The following HNF4A variants were observed in gnomAD, a reference collection of about 807,000 sequenced individuals.
HNF4A encodes the protein hepatocyte nuclear factor 4-alpha.
A neutral mutation model predicts 52.4 loss-of-function variants in HNF4A; 15 were observed. The ratio of observed to expected loss-of-function variants is 0.29; its 90% CI spans 0.19 to 0.44. HNF4A has a LOEUF of 0.44. HNF4A is among the 20% of genes least tolerant of loss of function. HNF4A has a pLI of 1.00. For synonymous variants in HNF4A, 280 were observed against 264.4 expected, an observed-to-expected ratio of 1.06 and a Z score of -0.57; for missense variants, 479 against 647.2, an observed-to-expected ratio of 0.74 and a Z score of 2.82.
At chr20:44,390,212 G>C (rs890759486) in intron 1 of HNF4A, among the ~76,000 whole-genome samples, 4 of 152,134 alleles carry the variant, frequency 2.6e-5, no homozygotes, top group African/African-American at 9.7e-5. Flanking sequence ...TGCCAATAGG[G>C]GGATGGAGAA....
intron 1 of HNF4A, among the ~76,000 whole-genome samples, chr20:44,369,788 C>A (rs1357595066): frequency 6.6e-6 from 1 of 152,092 alleles, no homozygotes; most frequent in Non-Finnish European, 1.5e-5. Flanking sequence ...GCGCGTGTCA[C>A]CATGCCCAGC....
chr20:44,412,717 G>C (rs572807730), intron 3 of HNF4A, among the ~76,000 whole-genome samples: 1 of 152,174 alleles, frequency 6.6e-6, no homozygotes, highest in Non-Finnish European at 1.5e-5. Flanking sequence ...GGAGCAGGGA[G>C]GGAGCAGCAG....
chr20:44,412,104 C>T (rs549976420), intron 3 of HNF4A, among the ~76,000 whole-genome samples: 52 of 152,184 alleles, frequency 3.4e-4, no homozygotes, highest in Admixed American at 1.4e-3. Context: ...CCAATGCCTT[C>T]GTTCTCTCAC....
intron 1 of HNF4A, among the ~76,000 whole-genome samples, chr20:44,365,602 C>G (rs1187272591): frequency 6.6e-6 from 1 of 152,160 alleles, no homozygotes; most frequent in Non-Finnish European, 1.5e-5. Flanking sequence ...GCTCACTATA[C>G]TAGTCTTTCA....
exon 1 of HNF4A, chr20:44,355,775 C>T: frequency 1.9e-6 from 3 of 1,610,286 alleles, no homozygotes; most frequent in Non-Finnish European, 2.5e-6. Context: ...TCCTCCATGC[C>T]CCCAGCTCTC....
At chr20:44,375,703 A>G (rs942440649) in intron 1 of HNF4A, among the ~76,000 whole-genome samples, 1 of 152,150 alleles carries the variant, frequency 6.6e-6, no homozygotes, top group African/African-American at 2.4e-5. Flanking sequence ...CTCAGACAAG[A>G]AGGATTCTAT....
rs182980547 is a variant in HNF4A at position 44,413,806 on chromosome 20, G to A, written c.492+6G>A. 1,902 of 1,595,128 alleles carry A rather than the reference G, an allele frequency of 1.2e-3. 3 individuals carry two copies. The highest frequency in any genetic ancestry group is 1.5e-3 in the Non-Finnish European group (1,722 of 1,164,822). On this transcript the variant is annotated splice_donor_region_variant and intron_variant, in intron 4 of 9. Coordinates refer to ENST00000316099, the MANE Select transcript of HNF4A (RefSeq NM_000457.6). ...CGGAGGTCCTGTCCCGACAGGTACC[G>A]GGGTGATCCTGCCACCCACCCAGGG...
At position 44,401,303 on chromosome 20, in the gene HNF4A, G is replaced by C; in HGVS notation, c.-70G>C. 6.2e-7 allele frequency: 1 copy of C among 1,605,904 alleles called. No individual in the cohort carries two copies. The highest frequency in any genetic ancestry group is 1.1e-5 in the South Asian group (1 of 90,810). On this transcript the variant is annotated 5_prime_UTR_variant, in exon 1 of 10. Transcript: ENST00000316099. ...GGCACTGGGAGGAGGCAGTGGGAGG[G>C]CGGAGGGCGGGGGCCTTCGGGGTGG...
intron 1 of HNF4A, among the ~76,000 whole-genome samples, chr20:44,386,695 C>A (rs2063228515): frequency 6.6e-6 from 1 of 152,006 alleles, no homozygotes; most frequent in South Asian, 2.1e-4. Context: ...TGGCTAGAGG[C>A]CAGACATGCT....
chr20:44,429,725 G>A lies in HNF4A; in HGVS notation c.*60G>A. 1.9e-6 allele frequency: 3 copies of A among 1,548,518 alleles called. No homozygotes were observed. The highest frequency in any genetic ancestry group is 2.7e-6 in the Non-Finnish European group (3 of 1,121,862). ...CCCCAGCCCCCTAAGAGAGCACCTG[G>A]TGATCACGTGGTCACGGCAAAGGAA... On this transcript the variant is annotated 3_prime_UTR_variant, in exon 10 of 10. Coordinates refer to ENST00000316099, the MANE Select transcript of HNF4A (RefSeq NM_000457.6).
intron 1 of HNF4A, among the ~76,000 whole-genome samples, chr20:44,376,050 G>T (rs955600993): frequency 6.6e-6 from 1 of 151,972 alleles, no homozygotes; most frequent in African/African-American, 2.4e-5. Context: ...TTTGAGATCA[G>T]CCTGACCAAC....
At position 44,429,742 on chromosome 20, in the gene HNF4A, G is replaced by A. The variant is rs2063856155; in HGVS notation, c.*77G>A. ...AGCACCTGGTGATCACGTGGTCACGGCAAAGGAAGACGTGATGCCAGGACC... is the reference window on the plus strand; with the variant it reads ...AGCACCTGGTGATCACGTGGTCACGACAAAGGAAGACGTGATGCCAGGACC... On this transcript the variant is annotated 3_prime_UTR_variant, in exon 10 of 10. Coordinates refer to ENST00000316099, the MANE Select transcript of HNF4A (RefSeq NM_000457.6). 2 of 1,447,248 alleles carry A rather than the reference G, an allele frequency of 1.4e-6. No homozygotes were observed. The highest frequency in any genetic ancestry group is 1.1e-5 in the South Asian group (1 of 87,036). 89.7% of individuals were successfully genotyped at this position (1,447,248 alleles called of 1,614,324 possible).
chr20:44,388,249 G>A (rs1900268049), intron 1 of HNF4A, among the ~76,000 whole-genome samples: 1 of 151,616 alleles, frequency 6.6e-6, no homozygotes, highest in Non-Finnish European at 1.5e-5. Context: ...ATCACGCCCT[G>A]CCTATCTTAA....
At chr20:44,421,806 A>G (rs936033856) in intron 7 of HNF4A, among the ~76,000 whole-genome samples, 2 of 146,838 alleles carry the variant, frequency 1.4e-5, no homozygotes, top group Non-Finnish European at 3.0e-5. Flanking sequence ...TATATATATA[A>G]TATATAGTGA....
chr20:44,402,503 A>C, intron 1 of HNF4A: 1 of 1,250,592 alleles, frequency 8.0e-7, no homozygotes, highest in Non-Finnish European at 1.1e-6. Context: ...TGTTGTTGCC[A>C]CTCACCAAGT....
intron 1 of HNF4A, among the ~76,000 whole-genome samples, chr20:44,369,198 G>C (rs2146197480): frequency 7.8e-6 from 1 of 127,566 alleles, no homozygotes; most frequent in Non-Finnish European, 1.6e-5. Flanking sequence ...TCAGTGAGCT[G>C]AGATCACGCC....
At chr20:44,383,760 G>T (rs1401260231) in intron 1 of HNF4A, among the ~76,000 whole-genome samples, 1 of 151,950 alleles carries the variant, frequency 6.6e-6, no homozygotes, top group Non-Finnish European at 1.5e-5. Context: ...CACCATGTTG[G>T]CTAGGGTGGT....
At chr20:44,387,650 G>A (rs1182308117) in intron 1 of HNF4A, among the ~76,000 whole-genome samples, 1 of 92,704 alleles carries the variant, frequency 1.1e-5, no homozygotes, top group Non-Finnish European at 2.5e-5. Flanking sequence ...TGGGGTGGAG[G>A]CAGGCGGGGG....
intron 1 of HNF4A, among the ~76,000 whole-genome samples, chr20:44,381,044 C>CTTTGA (rs10626048): frequency 0.71 from 108,242 of 151,420 alleles, 39,552 homozygotes; most frequent in East Asian, 0.86. Flanking sequence ...GGTAGACGCT[C>CTTTGA]TTTGACCTCT....
Sources: allele counts gnomAD v4.1 joint callset (sites outside exome capture counted in the v4.1 genomes callset), GRCh38; gene constraint gnomAD v4.1.1; transcripts MANE v1.5; gene names NCBI Gene and HGNC (gene_info 2026-07-23, HGNC 2026-07-21).